RUBCN: variants seen among roughly 807,000 people sequenced by gnomAD.
RUBCN encodes the protein run domain Beclin-1-interacting and cysteine-rich domain-containing protein.
RUBCN carries 74 observed loss-of-function variants against 113.2 expected under a neutral mutation model. The ratio of observed to expected loss-of-function variants is 0.65; its 90% CI spans 0.54 to 0.79. The LOEUF (loss-of-function observed/expected upper bound fraction) is 0.79, where lower values mean the gene tolerates loss of function less well. RUBCN is among the 30% of genes least tolerant of loss of function. The pLI is 0.00. For synonymous variants in RUBCN, 480 were observed against 490.0 expected, an observed-to-expected ratio of 0.98 and a Z score of 0.27; for missense variants, 1,109 against 1,251.7, an observed-to-expected ratio of 0.89 and a Z score of 1.72.
rs1003104472 is a variant in RUBCN, at chr3:197,701,778, G to C, written c.657C>G (p.Asn219Lys). 1 of 1,614,050 alleles carries C rather than the reference G, an allele frequency of 6.2e-7. No individual in the cohort carries two copies. Among genetic ancestry groups the C allele is most frequent in the Non-Finnish European group, 8.5e-7 (1 of 1,179,904 alleles). Residue 219 changes from asparagine (N) to lysine (K), a missense_variant, in exon 6 of 20, where the codon AAC becomes AAG. By Grantham distance (94) the Asn-to-Lys change is moderately conservative (BLOSUM62 0). Transcript: ENST00000296343. ...CAAAGTAGGAATGCTGAGCATAGCT[G>C]TTTGGAGGGGTGTATGTGGAACTGG... ...ALPSSTYTPP[N>K]SYAQHSYFGS...
chr3:197,687,859 G>A (rs1232821632), intron 11 of RUBCN, among the ~76,000 whole-genome samples: 1 of 152,124 alleles, frequency 6.6e-6, no homozygotes, highest in South Asian at 2.1e-4. Flanking sequence ...GCGTCCCCTG[G>A]CACCATCTCA....
At chr3:197,699,095 A>T in intron 7 of RUBCN, 3 of 877,044 alleles carry the variant, frequency 3.4e-6, no homozygotes, top group Non-Finnish European at 5.7e-6. Flanking sequence ...GGCTAGCCAG[A>T]CTTGATTTGA....
intron 1 of RUBCN, among the ~76,000 whole-genome samples, chr3:197,727,362 A>G (rs148680327): frequency 3.9e-5 from 6 of 152,354 alleles, no homozygotes; most frequent in African/African-American, 1.4e-4. Context: ...AAGCATTATC[A>G]TAGAGCAGAG....
chr3:197,704,802 T>C (rs2108917075), intron 3 of RUBCN, 101 bp from the exon 4 acceptor site: 1 of 1,301,540 alleles, frequency 7.7e-7, no homozygotes, highest in Non-Finnish European at 1.1e-6. Flanking sequence ...GTAAGGGAAA[T>C]GCTTTGAAAG....
At chr3:197,738,530 A>C (rs1401604530), upstream of RUBCN, among the ~76,000 whole-genome samples, 1 of 152,142 alleles carries the variant, frequency 6.6e-6, no homozygotes, top group African/African-American at 2.4e-5. Flanking sequence ...CTACTAAACG[A>C]TTATACTTCT....
chr3:197,714,566 G>C (rs1725308949), intron 2 of RUBCN, among the ~76,000 whole-genome samples: 1 of 152,138 alleles, frequency 6.6e-6, no homozygotes, highest in African/African-American at 2.4e-5. Context: ...CAAATTTCTA[G>C]TGATCTTCCT....
Position 197,683,205 on chromosome 3 carries a change from G to A in RUBCN, c.1980+102C>T, listed in dbSNP as rs965679183. On this transcript the variant is annotated intron_variant, in intron 13 of 19. Transcript: ENST00000296343. The surrounding 1 kb of genome is among the most constrained non-coding windows in gnomAD (Gnocchi z 4.6). Reference sequence around the variant, plus strand: ...TGAATGGCTTCCACGAGTAAGGGGGGAACACCCAGGCTCATTCCAGACTAG... The same window carrying A: ...TGAATGGCTTCCACGAGTAAGGGGGAAACACCCAGGCTCATTCCAGACTAG... The A allele has an allele frequency of 9.9e-6, 14 of 1,411,486 alleles. No individual in the cohort carries two copies. Among genetic ancestry groups the A allele is most frequent in the Admixed American group, 3.4e-5 (2 of 59,696 alleles). The allele number at this position is 1,411,486 out of a possible 1,614,324, so 87.4% of individuals were successfully genotyped here. A position where few individuals can be genotyped will look rare whatever the true frequency, so the allele number is the denominator to read the frequency against.
At chr3:197,730,755 T>C (rs1304355796) in intron 1 of RUBCN, among the ~76,000 whole-genome samples, 1 of 151,636 alleles carries the variant, frequency 6.6e-6, no homozygotes, top group Non-Finnish European at 1.5e-5. Flanking sequence ...ATATGGCTGC[T>C]TGAGATAATG....
intron 16 of RUBCN, 21 bp from the exon 17 acceptor site, chr3:197,677,562 G>A (rs960974689): frequency 1.2e-6 from 2 of 1,611,590 alleles, no homozygotes; most frequent in African/African-American, 1.3e-5. Flanking sequence ...AGAGAGGGGG[G>A]CAGGAGTGGG....
intron 1 of RUBCN, among the ~76,000 whole-genome samples, chr3:197,735,307 T>C (rs1727992540): frequency 6.6e-6 from 1 of 152,230 alleles, no homozygotes; most frequent in Non-Finnish European, 1.5e-5. Flanking sequence ...GCTGAGCTAG[T>C]ATAATCGCTT....
At chr3:197,694,067 T>C (rs1232890702) in intron 10 of RUBCN, 3 of 529,598 alleles carry the variant, frequency 5.7e-6, no homozygotes, top group African/African-American at 3.9e-5. Flanking sequence ...TATACATATA[T>C]ATATTTAGAG....
At chr3:197,690,996 A>G (rs1722358921) in intron 11 of RUBCN, 1 of 748,212 alleles carries the variant, frequency 1.3e-6, no homozygotes, top group Non-Finnish European at 2.0e-6. Context: ...TTATCACATG[A>G]TTAAGTATAT....
At chr3:197,700,117 G>A (rs907062566) in intron 7 of RUBCN, among the ~76,000 whole-genome samples, 1 of 152,102 alleles carries the variant, frequency 6.6e-6, no homozygotes, top group Non-Finnish European at 1.5e-5. Context: ...TCAGTGATGC[G>A]GCCGTCAGCC....
In RUBCN at chr3:197,674,848, GGCTGACTGCAC is replaced by G; in HGVS notation, c.*159_*169del. 1.7e-6 allele frequency: 1 copy of G among 593,616 alleles called. No homozygotes were observed. The highest frequency in any genetic ancestry group is 2.8e-6 in the Non-Finnish European group (1 of 354,424). 36.8% of individuals were successfully genotyped at this position (593,616 alleles called of 1,614,324 possible). A position where few individuals can be genotyped will look rare whatever the true frequency, so the allele number is the denominator to read the frequency against. On this transcript the variant is annotated 3_prime_UTR_variant, in exon 20 of 20. Transcript: ENST00000296343. ...ACTCTGGACCCATCAACCTGCCGACGGCTGACTGCACACAGACGTCAGACAAGTCAGTAAAA... is the reference window on the plus strand; with the variant it reads ...ACTCTGGACCCATCAACCTGCCGACGACAGACGTCAGACAAGTCAGTAAAA...
At position 197,694,399 on chromosome 3, in the gene RUBCN, T is replaced by C. The variant is rs200741204; in HGVS notation, c.1660A>G (p.Met554Val). The change falls in exon 10 of 20, where the codon ATG becomes GTG. Residue 554 changes from methionine (M) to valine (V), a missense_variant. By Grantham distance (21) the Met-to-Val change is conservative. Coordinates refer to ENST00000296343, the MANE Select transcript of RUBCN (RefSeq NM_014687.4). ...CTTCCGTGCTCAGCCTCCTGGTACA[T>C]GGGGAGCAGGTTCTTGGTGCGGATT... is the stretch of plus-strand genomic sequence containing the variant. ...QQIRTKNLLP[M>V]YQEAEHGSFR... 269 of 1,614,212 alleles carry C rather than the reference T, an allele frequency of 1.7e-4. No homozygotes were observed. In the African/African-American group the frequency reaches 2.7e-3, roughly 16 times the overall value.
At chr3:197,742,105 C>T (rs1213574679) in intron 1 of RUBCN, among the ~76,000 whole-genome samples, 2 of 151,896 alleles carry the variant, frequency 1.3e-5, no homozygotes, top group Non-Finnish European at 2.9e-5. Flanking sequence ...CTGTGTTAGC[C>T]AGGATGGTTT....
At chr3:197,706,222 C>T (rs1724283844) in intron 2 of RUBCN, among the ~76,000 whole-genome samples, 1 of 152,114 alleles carries the variant, frequency 6.6e-6, no homozygotes, top group South Asian at 2.1e-4. Context: ...AAAGAAATGC[C>T]CAGACCAGAT....
At chr3:197,689,875 C>A (rs768127263) in intron 11 of RUBCN, among the ~76,000 whole-genome samples, 3 of 152,156 alleles carry the variant, frequency 2.0e-5, no homozygotes, top group Non-Finnish European at 4.4e-5. Context: ...ACTACAGCCA[C>A]GCTACTGTGC....
chr3:197,728,883 GAAA>G (rs373445079), intron 1 of RUBCN, among the ~76,000 whole-genome samples: 58 of 152,330 alleles, frequency 3.8e-4, no homozygotes, highest in African/African-American at 1.3e-3. Context: ...AGTGAGTGTA[GAAA>G]AGCAAGAATG....
Sources: gnomAD v4.1 joint callset for allele counts (sites outside exome capture counted in the v4.1 genomes callset) on GRCh38, gnomAD v4.1.1 for gene constraint, Gnocchi (gnomAD v3.1) non-coding constraint, MANE v1.5 for transcripts, NCBI Gene and HGNC (gene_info 2026-07-23, HGNC 2026-07-21) for gene names.